Variants in RGS6 observed in about 807,000 individuals in gnomAD.
RGS6 encodes the protein regulator of G protein signaling 6, also known as regulator of G-protein signaling 6.
Under a neutral mutation model 78.5 loss-of-function variants are expected in RGS6, and 30 were observed. That is an observed-to-expected ratio of 0.38 (90% CI 0.29 to 0.52). The LOEUF (loss-of-function observed/expected upper bound fraction) is 0.52. RGS6 is among the 20% of genes least tolerant of loss of function. The probability of loss-of-function intolerance (pLI) is 0.85; values close to 1 mark genes in which losing one functional copy is unlikely to be tolerated. For synonymous variants in RGS6, 206 were observed against 206.0 expected, an observed-to-expected ratio of 1.00 and a Z score of 0.00; for missense variants, 495 against 609.7, an observed-to-expected ratio of 0.81 and a Z score of 1.98.
chr14:72,334,175 C>CA (rs1239328204), intron 2 of RGS6, among the ~76,000 whole-genome samples: 1 of 152,232 alleles, frequency 6.6e-6, no homozygotes, highest in African/African-American at 2.4e-5. Context: ...TGTGTGTGCT[C>CA]ACCCCTACAT....
In RGS6 at chr14:72,240,745, T is replaced by C. The variant is rs375966428; in HGVS notation, c.85-111350T>C. On this transcript the variant is annotated intron_variant, in intron 2 of 17. Coordinates refer to ENST00000553525, the MANE Select transcript of RGS6 (RefSeq NM_001204424.2). The stretch of plus-strand genomic sequence containing the variant: ...GTATGTGATGGTCATTTTCTCTCCT[T>C]ACTGAAACATTTTCTACATGGTTTG... 5.3e-5 allele frequency among the ~76,000 whole-genome samples: 8 copies of C among 152,314 alleles called. No homozygotes were observed. The South Asian group carries it at 1.5e-3, about 28-fold the overall frequency.
intron 3 of RGS6, among the ~76,000 whole-genome samples, chr14:72,447,718 T>C (rs1419755363): frequency 6.6e-6 from 1 of 152,232 alleles, no homozygotes; most frequent in Non-Finnish European, 1.5e-5. Flanking sequence ...TTCTTTATTT[T>C]TGAGACGGAG....
the RGS6 span, among the ~76,000 whole-genome samples, chr14:71,888,202 C>T: frequency 1.3e-5 from 2 of 152,060 alleles, no homozygotes; most frequent in Non-Finnish European, 2.9e-5. Flanking sequence ...GAGATCGCGC[C>T]ACTGCACTCC....
At chr14:72,607,623 C>T in the RGS6 span, among the ~76,000 whole-genome samples, 1 of 152,196 alleles carries the variant, frequency 6.6e-6, no homozygotes, top group Admixed American at 6.5e-5. Context: ...GTGCACAGCT[C>T]TCTGTGCAGA....
chr14:72,006,794 A>G (rs2084656662), intron 2 of RGS6, among the ~76,000 whole-genome samples: 1 of 152,234 alleles, frequency 6.6e-6, no homozygotes, highest in African/African-American at 2.4e-5. Flanking sequence ...CATTGGTACT[A>G]GAGGTGCAGT....
chr14:72,056,039 C>T (rs968968790), intron 2 of RGS6, among the ~76,000 whole-genome samples: 23 of 152,120 alleles, frequency 1.5e-4, no homozygotes, highest in African/African-American at 4.1e-4. Context: ...TTTTACAATG[C>T]GGATTTTGAT....
intron 3 of RGS6, among the ~76,000 whole-genome samples, chr14:72,392,298 C>T (rs1028275358): frequency 6.6e-6 from 1 of 152,030 alleles, no homozygotes. Context: ...GATGTTGGAG[C>T]TTGAAGTCCA....
chr14:72,156,732 A>G (rs2096778619), intron 2 of RGS6, among the ~76,000 whole-genome samples: 2 of 152,200 alleles, frequency 1.3e-5, no homozygotes, highest in Admixed American at 6.5e-5. Flanking sequence ...AGTTGAACAA[A>G]AAGCTAGTGG....
the RGS6 span, among the ~76,000 whole-genome samples, chr14:71,914,415 C>A: frequency 6.6e-6 from 1 of 152,126 alleles, no homozygotes; most frequent in Non-Finnish European, 1.5e-5. Context: ...CCAAGTTTCA[C>A]TTTTCTTATC....
At chr14:72,490,804 C>A (rs1270536070) in intron 12 of RGS6, among the ~76,000 whole-genome samples, 1 of 152,160 alleles carries the variant, frequency 6.6e-6, no homozygotes, top group Non-Finnish European at 1.5e-5. Context: ...ACCAGGGGCT[C>A]TTTCATTTTG....
chr14:72,593,983 C>G, the RGS6 span, among the ~76,000 whole-genome samples: 1 of 151,910 alleles, frequency 6.6e-6, no homozygotes, highest in Admixed American at 6.6e-5. Flanking sequence ...TTTCCTAAAG[C>G]CTCACAATGG....
chr14:72,483,197 A>G (rs891132479), intron 12 of RGS6, among the ~76,000 whole-genome samples: 6 of 152,134 alleles, frequency 3.9e-5, no homozygotes, highest in Non-Finnish European at 5.9e-5. Flanking sequence ...TCTAGTCTCC[A>G]TGTTTGGCTG....
intron 7 of RGS6, among the ~76,000 whole-genome samples, chr14:72,467,180 C>A (rs1254550743): frequency 6.6e-6 from 1 of 152,050 alleles, no homozygotes; most frequent in Non-Finnish European, 1.5e-5. Context: ...CTGAACTTTA[C>A]ATGGGTCACA....
At chr14:72,492,742 A>G (rs2153408177) in intron 12 of RGS6, among the ~76,000 whole-genome samples, 1 of 152,270 alleles carries the variant, frequency 6.6e-6, no homozygotes, top group Non-Finnish European at 1.5e-5. Flanking sequence ...TCCAGGAGCC[A>G]GACATATATA....
intron 2 of RGS6, among the ~76,000 whole-genome samples, chr14:72,061,925 A>C (rs2093916465): frequency 6.6e-6 from 1 of 152,258 alleles, no homozygotes. Context: ...AACCAGGCAT[A>C]GCTCTCAATG....
At chr14:72,316,153 A>G (rs1172121249) in intron 2 of RGS6, among the ~76,000 whole-genome samples, 1 of 152,248 alleles carries the variant, frequency 6.6e-6, no homozygotes, top group Non-Finnish European at 1.5e-5. Flanking sequence ...AACAATCAGA[A>G]GGAAATACAT....
In RGS6 at chr14:72,063,185, T is replaced by G. The variant is rs565365513; in HGVS notation, c.84+98310T>G. ...AGAAAAGATGTTGAAGAACTGAATC[T>G]GGGGTGCTCCCAACAGTTAGAGGTT... On this transcript the variant is annotated intron_variant, in intron 2 of 17. Coordinates refer to ENST00000553525, the MANE Select transcript of RGS6 (RefSeq NM_001204424.2). Among the ~76,000 whole-genome samples the G allele has an allele frequency of 2.2e-4, 34 of 152,134 alleles. No homozygotes were observed. The East Asian group carries it at 5.8e-3, about 26-fold the overall frequency.
upstream of RGS6, among the ~76,000 whole-genome samples, chr14:71,929,836 A>C (rs36329): frequency 0.08 from 12,187 of 152,226 alleles, 513 homozygotes; most frequent in Non-Finnish European, 0.091. Flanking sequence ...TTTTACTCAA[A>C]GGGTTAAATT....
the RGS6 span, among the ~76,000 whole-genome samples, chr14:72,572,766 A>G: frequency 6.6e-6 from 1 of 152,204 alleles, no homozygotes; most frequent in Non-Finnish European, 1.5e-5. Flanking sequence ...GATATACTTA[A>G]AATCATTGAC....
Sources: allele counts gnomAD v4.1 joint callset (sites outside exome capture counted in the v4.1 genomes callset), GRCh38; gene constraint gnomAD v4.1.1; transcripts MANE v1.5; gene names NCBI Gene and HGNC (gene_info 2026-07-23, HGNC 2026-07-21).